The following BICRA variants were observed in gnomAD, a reference collection of about 807,000 sequenced individuals.
BICRA encodes BRD4 interacting chromatin remodeling complex associated protein.
BICRA carries 31 observed loss-of-function variants against 96.9 expected under a neutral mutation model. That is an observed-to-expected ratio of 0.32 (90% CI 0.24 to 0.43). The LOEUF (loss-of-function observed/expected upper bound fraction) is 0.43. Ranked by LOEUF, BICRA falls within the 20% of genes least tolerant of loss-of-function variation. The probability of loss-of-function intolerance (pLI) is 1.00; values close to 1 mark genes in which losing one functional copy is unlikely to be tolerated. For synonymous variants in BICRA, 1,350 were observed against 1,071.8 expected (o/e 1.26, Z -5.07); for missense variants, 2,283 against 2,190.3 (o/e 1.04, Z -0.84).
Position 47,639,551 on chromosome 19 carries a change from G to C in BICRA, c.-108+30383G>C, listed in dbSNP as rs1419348324. On this transcript the variant is annotated intron_variant, in intron 1 of 14. Coordinates refer to ENST00000594866, the MANE Select transcript of BICRA (RefSeq NM_001394372.1). The stretch of plus-strand genomic sequence containing the variant: ...TCACCGTGTTAGCTAGGATGGTCTC[G>C]ATCTCCTGACCTCGTGATCGCCCGT... Among the ~76,000 whole-genome samples, 4 of 150,126 alleles carry C rather than the reference G, an allele frequency of 2.7e-5. No homozygotes were observed. In the East Asian group the frequency reaches 5.9e-4, roughly 22 times the overall value.
intron 7 of BICRA, among the ~76,000 whole-genome samples, chr19:47,689,768 G>A (rs1599860277): frequency 6.6e-6 from 1 of 152,182 alleles, no homozygotes; most frequent in African/African-American, 2.4e-5. Context: ...ACAACCTAGT[G>A]CAAATATGGT....
Position 47,698,820 on chromosome 19 carries a change from G to A in BICRA, c.3397+38G>A. 2 of 1,541,840 alleles carry A rather than the reference G, an allele frequency of 1.3e-6. No individual in the cohort carries two copies. Among genetic ancestry groups the A allele is most frequent in the Non-Finnish European group, 1.8e-6 (2 of 1,132,578 alleles). On this transcript the variant is annotated intron_variant, in intron 12 of 14. Transcript: ENST00000594866. This position sits in a 1 kb window ranked among gnomAD's most constrained non-coding sequence, Gnocchi z 4.8. Reference sequence around the variant, plus strand: ...CAGGACACGGCCCTATATGTCCCAGGGGACCCCAGCCCGTGGGGCGGGGCG... The same window carrying A: ...CAGGACACGGCCCTATATGTCCCAGAGGACCCCAGCCCGTGGGGCGGGGCG...
At position 47,685,682 on chromosome 19, in the gene BICRA, C is replaced by T. The variant is rs374070695; in HGVS notation, c.2283+3530C>T. 9.9e-5 allele frequency among the ~76,000 whole-genome samples: 15 copies of T among 151,734 alleles called. No homozygotes were observed. In the East Asian group the frequency reaches 2.7e-3, roughly 28 times the overall value. The stretch of plus-strand genomic sequence containing the variant: ...AGTGGTTCCCTTACTGTCCGAACTC[C>T]AACCCCTGCACTCGGAAGGAACTCT... On this transcript the variant is annotated intron_variant, in intron 7 of 14. Transcript: ENST00000594866.
At chr19:47,630,977 C>T (rs1403592250) in intron 1 of BICRA, among the ~76,000 whole-genome samples, 2 of 152,144 alleles carry the variant, frequency 1.3e-5, no homozygotes, top group Non-Finnish European at 2.9e-5. Flanking sequence ...CACAGCACAT[C>T]TCAGTTGGGA....
chr19:47,655,805 G>A (rs545433513), intron 1 of BICRA, among the ~76,000 whole-genome samples: 15 of 151,616 alleles, frequency 9.9e-5, no homozygotes, highest in Admixed American at 4.6e-4. Flanking sequence ...GCAGTGAGCC[G>A]AGATCGCTGC....
At chr19:47,692,073 TG>T (rs1236764649) in intron 7 of BICRA, among the ~76,000 whole-genome samples, 2 of 152,132 alleles carry the variant, frequency 1.3e-5, no homozygotes, top group African/African-American at 4.8e-5. Context: ...CCGCTGCATG[TG>T]GGCCACCTCC....
At position 47,701,550 on chromosome 19, in the gene BICRA, C is replaced by G; in HGVS notation, c.3818C>G (p.Ser1273Cys). Reference protein sequence around the residue: ...RASSSLSSSSSSSSAASSLDA... With the variant: ...RASSSLSSSSCSSSAASSLDA... ...TCCTCCTCCCTGTCCTCCTCTTCCT[C>G]CTCCTCCTCTGCCGCCTCCTCCTTG... Residue 1273 changes from serine to cysteine, a missense_variant, in exon 15 of 15, where the codon TCC becomes TGC. Physicochemically the swap from Ser to Cys is moderately radical, Grantham distance 112 (BLOSUM62 -1). Transcript: ENST00000594866. This position sits in a 1 kb window ranked among gnomAD's most constrained non-coding sequence, Gnocchi z 5.4. 6.4e-7 allele frequency: 1 copy of G among 1,550,662 alleles called. No homozygotes were observed. The highest frequency in any genetic ancestry group is 8.7e-7 in the Non-Finnish European group (1 of 1,147,750).
rs376552867 is a variant in BICRA at position 47,669,833 on chromosome 19, T to A, written c.-107-610T>A. 2.4e-4 allele frequency among the ~76,000 whole-genome samples: 37 copies of A among 151,938 alleles called. 1 individual carries two copies. The South Asian group carries it at 3.1e-3, about 13-fold the overall frequency. ...CAGCACGCCCGGCTAATTTTTTGTA[T>A]TTTTAGTAGAGACCGGGTTTCACCG... On this transcript the variant is annotated intron_variant, in intron 1 of 14. Transcript: ENST00000594866.
chr19:47,675,402 G>A lies in BICRA; in HGVS notation c.85-449G>A, dbSNP rs1366463929. Among the ~76,000 whole-genome samples the A allele has an allele frequency of 6.6e-6, 1 of 152,214 alleles. No homozygotes were observed. Among genetic ancestry groups the A allele is most frequent in the Admixed American group, 6.5e-5 (1 of 15,286 alleles). ...GCCCTGCCCTTCCAGAGATGGCACC[G>A]CATGGCTTGTCAGGTGCCCGGATGG... On this transcript the variant is annotated intron_variant, in intron 4 of 14. Transcript: ENST00000594866. This position sits in a 1 kb window ranked among gnomAD's most constrained non-coding sequence, Gnocchi z 4.7.
chr19:47,618,189 C>T (rs189489838), intron 1 of BICRA, among the ~76,000 whole-genome samples: 1 of 152,094 alleles, frequency 6.6e-6, no homozygotes, highest in Admixed American at 6.6e-5. Context: ...CAGAAATCGT[C>T]CTCATAAAGG....
chr19:47,656,520 C>T (rs1972621436), intron 1 of BICRA, among the ~76,000 whole-genome samples: 1 of 152,164 alleles, frequency 6.6e-6, no homozygotes, highest in Non-Finnish European at 1.5e-5. Flanking sequence ...TAAGTATTTG[C>T]TAATCCAATG....
Position 47,662,891 on chromosome 19 carries a change from T to C in BICRA, c.-107-7552T>C, listed in dbSNP as rs144756992. The C allele has an allele frequency of 6.0e-3, 912 of 152,318 alleles. 10 individuals carry two copies. Among genetic ancestry groups the C allele is most frequent in the Non-Finnish European group, 9.3e-3 (632 of 68,038 alleles). 9.4% of individuals were successfully genotyped at this position (152,318 alleles called of 1,614,324 possible). A position where few individuals can be genotyped will look rare whatever the true frequency, so the allele number is the denominator to read the frequency against. On this transcript the variant is annotated intron_variant, in intron 1 of 14. Coordinates refer to ENST00000594866, the MANE Select transcript of BICRA (RefSeq NM_001394372.1). The stretch of plus-strand genomic sequence containing the variant: ...TTCCACCAGCCCTCTCACATTTTGT[T>C]TGACCTCTCTTCTTAATCAGTGACC...
At chr19:47,654,824 T>C (rs1452706032) in intron 1 of BICRA, among the ~76,000 whole-genome samples, 1 of 151,360 alleles carries the variant, frequency 6.6e-6, no homozygotes, top group East Asian at 1.9e-4. Context: ...ACAACACACC[T>C]GTAAAAGCCC....
chr19:47,640,407 G>T (rs1348329998), intron 1 of BICRA, among the ~76,000 whole-genome samples: 1 of 152,034 alleles, frequency 6.6e-6, no homozygotes, highest in Non-Finnish European at 1.5e-5. Context: ...GTGTGTGCCT[G>T]TAATCCCAGC....
chr19:47,655,810 C>A (rs186357475), intron 1 of BICRA, among the ~76,000 whole-genome samples: 9 of 151,278 alleles, frequency 5.9e-5, no homozygotes, highest in African/African-American at 2.2e-4. Flanking sequence ...GAGCCGAGAT[C>A]GCTGCACTGC....
intron 5 of BICRA, among the ~76,000 whole-genome samples, chr19:47,677,205 G>A (rs1972955263): frequency 6.6e-6 from 1 of 152,192 alleles, no homozygotes; most frequent in African/African-American, 2.4e-5. Context: ...GCCAGGGGCC[G>A]GGTGATACCG....
intron 1 of BICRA, among the ~76,000 whole-genome samples, chr19:47,620,745 A>G (rs1250168508): frequency 6.6e-6 from 1 of 151,178 alleles, no homozygotes; most frequent in Non-Finnish European, 1.5e-5. Flanking sequence ...AAAAATGACC[A>G]TCCCTGGGCT....
At chr19:47,691,682 G>A (rs945244021) in intron 7 of BICRA, among the ~76,000 whole-genome samples, 1 of 152,060 alleles carries the variant, frequency 6.6e-6, no homozygotes, top group Non-Finnish European at 1.5e-5. Context: ...TCTTGCCTCA[G>A]CCTCCTGAGT....
intron 5 of BICRA, among the ~76,000 whole-genome samples, chr19:47,677,425 G>A (rs1972958151): frequency 6.6e-6 from 1 of 152,206 alleles, no homozygotes; most frequent in African/African-American, 2.4e-5. Flanking sequence ...GGCTGGGCAC[G>A]GTGGCTCACG....
Sources: gnomAD v4.1 joint callset for allele counts (sites outside exome capture counted in the v4.1 genomes callset) on GRCh38, gnomAD v4.1.1 for gene constraint, Gnocchi (gnomAD v3.1) non-coding constraint, MANE v1.5 for transcripts, NCBI Gene and HGNC (gene_info 2026-07-23, HGNC 2026-07-21) for gene names.